The following RFX2 variants were observed in gnomAD, a reference collection of about 807,000 sequenced individuals.
The protein encoded by RFX2 is regulatory factor X2.
A neutral mutation model predicts 87.8 loss-of-function variants in RFX2; 20 were observed. The ratio of observed to expected loss-of-function variants is 0.23; its 90% CI spans 0.16 to 0.33. RFX2 has a LOEUF of 0.33. Among genes scored for constraint, RFX2 ranks in the 10% least tolerant of loss-of-function variants. RFX2 has a pLI of 1.00. For synonymous variants in RFX2, 397 were observed against 431.3 expected (o/e 0.92, Z 0.98); for missense variants, 767 against 1,012.3 (o/e 0.76, Z 3.29).
In RFX2 at chr19:6,022,412, C is replaced by T. The variant is rs558410786; in HGVS notation, c.597+3751G>A. Among the ~76,000 whole-genome samples, 66 of 152,354 alleles carry T rather than the reference C, an allele frequency of 4.3e-4. 1 individual carries two copies. Among genetic ancestry groups the T allele is most frequent in the African/African-American group, 1.5e-3 (62 of 41,586 alleles). On this transcript the variant is annotated intron_variant, in intron 6 of 17. Coordinates refer to ENST00000303657, the MANE Select transcript of RFX2 (RefSeq NM_000635.4). The surrounding 1 kb of genome is among the most constrained non-coding windows in gnomAD (Gnocchi z 6.2). ...ATAACCCAAATACGACTCTTCCACACGCAGCTCTCTCCCGCAGGGTGTGCA... is the reference window on the plus strand; with the variant it reads ...ATAACCCAAATACGACTCTTCCACATGCAGCTCTCTCCCGCAGGGTGTGCA...
chr19:6,009,581 T>C (rs763912612), intron 9 of RFX2, among the ~76,000 whole-genome samples: 65 of 152,118 alleles, frequency 4.3e-4, no homozygotes, highest in Non-Finnish European at 1.3e-4. Context: ...TTCTTTCTTT[T>C]TTTTTTTCTT....
rs187200366 is a variant in RFX2 at position 6,092,451 on chromosome 19, C to A, written c.-9+17942G>T. 9.2e-5 allele frequency among the ~76,000 whole-genome samples: 14 copies of A among 152,242 alleles called. No individual in the cohort carries two copies. In the East Asian group the frequency reaches 2.7e-3, roughly 29 times the overall value. ...AGAAGGCAGAAGAACGAGTGCTCTG[C>A]TGGAGAATAAAGGTAGCAGAGTTTA... On this transcript the variant is annotated intron_variant, in intron 1 of 17. Coordinates refer to ENST00000303657, the MANE Select transcript of RFX2 (RefSeq NM_000635.4).
chr19:6,069,336 G>C (rs955265342), intron 1 of RFX2, among the ~76,000 whole-genome samples: 8 of 152,134 alleles, frequency 5.3e-5, no homozygotes, highest in Admixed American at 1.3e-4. Flanking sequence ...CCAGTGTCTA[G>C]AGGATGTGGG....
At chr19:6,109,013 A>AGT (rs956737345) in intron 1 of RFX2, among the ~76,000 whole-genome samples, 3 of 151,248 alleles carry the variant, frequency 2.0e-5, no homozygotes, top group South Asian at 2.1e-4. Flanking sequence ...GGTGTGAGTG[A>AGT]GTGTGTGTGT....
At chr19:6,094,242 T>C (rs902999653) in intron 1 of RFX2, among the ~76,000 whole-genome samples, 3 of 152,040 alleles carry the variant, frequency 2.0e-5, no homozygotes, top group African/African-American at 7.3e-5. Flanking sequence ...TTTTTCTTTT[T>C]TACAATTTGG....
At chr19:6,038,242 G>A (rs1335341159) in intron 5 of RFX2, among the ~76,000 whole-genome samples, 6 of 143,330 alleles carry the variant, frequency 4.2e-5, no homozygotes, top group East Asian at 2.2e-4. Flanking sequence ...CAGGAGAATC[G>A]CTTGAACCCG....
intron 1 of RFX2, among the ~76,000 whole-genome samples, chr19:6,093,829 CA>C (rs1489114315): frequency 6.6e-6 from 1 of 152,090 alleles, no homozygotes; most frequent in African/African-American, 2.4e-5. Context: ...ATGCTAAAAA[CA>C]GCCAGTCACA....
At position 6,002,371 on chromosome 19, in the gene RFX2, C is replaced by T. The variant is rs898274900; in HGVS notation, c.1651-348G>A. 4.6e-5 allele frequency among the ~76,000 whole-genome samples: 7 copies of T among 152,252 alleles called. No homozygotes were observed. The highest frequency in any genetic ancestry group is 1.9e-4 in the East Asian group (1 of 5,194). Reference sequence around the variant, plus strand: ...CGCAGGGCCTGAAATAAGCATAGCTCGGAAGCTGCTGTGGGCCGACACTTT... The same window carrying T: ...CGCAGGGCCTGAAATAAGCATAGCTTGGAAGCTGCTGTGGGCCGACACTTT... On this transcript the variant is annotated intron_variant, in intron 14 of 17. Transcript: ENST00000303657. This position sits in a 1 kb window ranked among gnomAD's most constrained non-coding sequence, Gnocchi z 6.7.
rs1357649821 is a variant in RFX2 at position 6,011,496 on chromosome 19, A to G, written c.900-1245T>C. 6.6e-6 allele frequency among the ~76,000 whole-genome samples: 1 copy of G among 152,228 alleles called. No individual in the cohort carries two copies. The highest frequency in any genetic ancestry group is 1.5e-5 in the Non-Finnish European group (1 of 68,024). ...CAGGCCGTGGGCATCACACAGACAC[A>G]GGCTCAGGCTGTGGCTTCCAAATGC... On this transcript the variant is annotated intron_variant, in intron 8 of 17. Transcript: ENST00000303657. The surrounding 1 kb of genome is among the most constrained non-coding windows in gnomAD (Gnocchi z 4.8).
chr19:6,008,326 C>T, intron 9 of RFX2, 102 bp from the exon 10 acceptor site: 1 of 587,802 alleles, frequency 1.7e-6, no homozygotes, highest in Admixed American at 3.3e-5. Context: ...AGATGTTCTG[C>T]CCCACCCCAT....
Position 6,010,034 on chromosome 19 carries a change from C to A in RFX2, c.1015+102G>T, listed in dbSNP as rs920490757. ...AAAAGGTGTCTCGTAAGAAAACTGT[C>A]GGAAGCAGACGCTTAGACACCACTG... On this transcript the variant is annotated intron_variant, in intron 9 of 17. Coordinates refer to ENST00000303657, the MANE Select transcript of RFX2 (RefSeq NM_000635.4). The surrounding 1 kb of genome is among the most constrained non-coding windows in gnomAD (Gnocchi z 5.0). 3 of 612,038 alleles carry A rather than the reference C, an allele frequency of 4.9e-6. No homozygotes were observed. The highest frequency in any genetic ancestry group is 1.8e-5 in the African/African-American group (1 of 54,830). The allele number at this position is 612,038 out of a possible 1,614,324, so 37.9% of individuals were successfully genotyped here.
chr19:6,072,331 G>A lies in RFX2; in HGVS notation c.-8-24827C>T, dbSNP rs1041742675. On this transcript the variant is annotated intron_variant, in intron 1 of 17. Coordinates refer to ENST00000303657, the MANE Select transcript of RFX2 (RefSeq NM_000635.4). The stretch of plus-strand genomic sequence containing the variant: ...GCTTCCAGAAGCCTTGGCGGCCCAA[G>A]TATCCACCTGGGTGCTGGGTGACCC... Among the ~76,000 whole-genome samples, 9 of 152,298 alleles carry A rather than the reference G, an allele frequency of 5.9e-5. 1 individual carries two copies. Among genetic ancestry groups the A allele is most frequent in the Admixed American group, 1.3e-4 (2 of 15,298 alleles).
chr19:6,098,645 A>G (rs545078750), intron 1 of RFX2, among the ~76,000 whole-genome samples: 4 of 152,262 alleles, frequency 2.6e-5, no homozygotes, highest in Admixed American at 2.6e-4. Context: ...AACACCCACG[A>G]GAGACTTTCT....
chr19:6,013,196 T>A lies in RFX2; in HGVS notation c.780-91A>T. On this transcript the variant is annotated intron_variant, in intron 7 of 17. Transcript: ENST00000303657. The surrounding 1 kb of genome is among the most constrained non-coding windows in gnomAD (Gnocchi z 4.1). ...ATTCTTTTTCTTTCTTTCTTCTTTT[T>A]TTTTTTTGAGACAGAATCTCATTCT... 1 of 1,348,438 alleles carries A rather than the reference T, an allele frequency of 7.4e-7. No homozygotes were observed. The highest frequency in any genetic ancestry group is 1.6e-5 in the South Asian group (1 of 62,080). The allele number at this position is 1,348,438 out of a possible 1,614,324, so 83.5% of individuals were successfully genotyped here.
At chr19:6,082,349 A>G (rs1199763095) in intron 1 of RFX2, among the ~76,000 whole-genome samples, 1 of 151,006 alleles carries the variant, frequency 6.6e-6, no homozygotes, top group Non-Finnish European at 1.5e-5. Context: ...TGTTGAATCT[A>G]GTTTGGTTAT....
chr19:6,090,496 C>A (rs2087918108), intron 1 of RFX2, among the ~76,000 whole-genome samples: 3 of 151,996 alleles, frequency 2.0e-5, no homozygotes, highest in African/African-American at 7.3e-5. Flanking sequence ...CCATGAAACA[C>A]CACTTCACAC....
At chr19:6,076,821 A>G (rs2087699446) in intron 1 of RFX2, among the ~76,000 whole-genome samples, 1 of 152,222 alleles carries the variant, frequency 6.6e-6, no homozygotes, top group South Asian at 2.1e-4. Context: ...TAAGCCCTTT[A>G]GGGAGTGCCT....
intron 15 of RFX2, among the ~76,000 whole-genome samples, chr19:6,000,349 C>A (rs930050633): frequency 1.3e-5 from 2 of 152,208 alleles, no homozygotes; most frequent in Non-Finnish European, 2.9e-5. Flanking sequence ...AACAGTCAAA[C>A]TGTTTTGTTT....
In RFX2 at chr19:6,104,916, G is replaced by A. The variant is rs537002863; in HGVS notation, c.-9+5477C>T. Among the ~76,000 whole-genome samples, 15 of 152,112 alleles carry A rather than the reference G, an allele frequency of 9.9e-5. No individual in the cohort carries two copies. In the South Asian group the frequency reaches 2.9e-3, roughly 30 times the overall value. On this transcript the variant is annotated intron_variant, in intron 1 of 17. Coordinates refer to ENST00000303657, the MANE Select transcript of RFX2 (RefSeq NM_000635.4). ...GGGCAGATCATGAGGTCAGGAGATC[G>A]AGACCATCTTGGCCAGCATGGTGAA...
Sources: gnomAD v4.1 joint callset for allele counts (sites outside exome capture counted in the v4.1 genomes callset) on GRCh38, gnomAD v4.1.1 for gene constraint, Gnocchi (gnomAD v3.1) non-coding constraint, MANE v1.5 for transcripts, NCBI Gene and HGNC (gene_info 2026-07-23, HGNC 2026-07-21) for gene names.